SH3RF3: variants seen among roughly 807,000 people sequenced by gnomAD.
The protein encoded by SH3RF3 is E3 ubiquitin-protein ligase SH3RF3.
Under a neutral mutation model 66.3 loss-of-function variants are expected in SH3RF3, and 29 were observed. That is an observed-to-expected ratio of 0.44 (90% CI 0.33 to 0.60). SH3RF3 has a LOEUF of 0.60. SH3RF3 is among the 20% of genes least tolerant of loss of function. SH3RF3 has a pLI of 0.04. For synonymous variants in SH3RF3, 583 were observed against 532.0 expected (o/e 1.10, Z -1.32); for missense variants, 1,194 against 1,190.9 (o/e 1.00, Z -0.04).
intron 1 of SH3RF3, among the ~76,000 whole-genome samples, chr2:109,241,028 A>G (rs1458314921): frequency 6.6e-6 from 1 of 152,214 alleles, no homozygotes; most frequent in Non-Finnish European, 1.5e-5. Flanking sequence ...AGAACTCTAT[A>G]GAGCATCAGA....
At chr2:109,369,139 T>C (rs970986719) in intron 2 of SH3RF3, among the ~76,000 whole-genome samples, 1 of 150,920 alleles carries the variant, frequency 6.6e-6, no homozygotes, top group Non-Finnish European at 1.5e-5. Flanking sequence ...GGTCAGGGGA[T>C]CGAGACCATC....
intron 8 of SH3RF3, among the ~76,000 whole-genome samples, chr2:109,474,970 TTTGTTTG>T (rs1559103279): frequency 1.3e-4 from 19 of 145,334 alleles, no homozygotes; most frequent in Non-Finnish European, 2.9e-4. Flanking sequence ...TTGGGTTTTT[TTTGTTTG>T]TTTGTTTGTT....
At chr2:109,283,324 C>T (rs1195021274) in intron 1 of SH3RF3, among the ~76,000 whole-genome samples, 2 of 152,210 alleles carry the variant, frequency 1.3e-5, no homozygotes, top group African/African-American at 4.8e-5. Flanking sequence ...GACACCTGCT[C>T]CCCTGCTCCT....
chr2:109,501,493 G>C lies in SH3RF3; in HGVS notation c.2481-10G>C. ...CTGTGTGGGGCTCACCCACTGTGCT[G>C]TTTCCCCAGGTACCGCGTGGTGGTC... On this transcript the variant is annotated splice_polypyrimidine_tract_variant and intron_variant, in intron 9 of 9. Coordinates refer to ENST00000309415, the MANE Select transcript of SH3RF3 (RefSeq NM_001099289.3). 1.3e-6 allele frequency: 1 copy of C among 775,194 alleles called. No individual in the cohort carries two copies. Among genetic ancestry groups the C allele is most frequent in the Non-Finnish European group, 2.4e-6 (1 of 415,616 alleles). 48.0% of individuals were successfully genotyped at this position (775,194 alleles called of 1,614,324 possible).
intron 1 of SH3RF3, among the ~76,000 whole-genome samples, chr2:109,210,189 G>A (rs138796621): frequency 9.8e-5 from 15 of 152,292 alleles, no homozygotes; most frequent in Middle Eastern, 3.4e-3. Context: ...ACCACATTTT[G>A]TGTATTCATT....
chr2:109,445,170 A>G (rs113529805), intron 7 of SH3RF3, among the ~76,000 whole-genome samples: 4 of 152,216 alleles, frequency 2.6e-5, no homozygotes, highest in Non-Finnish European at 5.9e-5. Context: ...TGTGAAAGAG[A>G]TGTATAAACA....
At chr2:109,431,148 C>G (rs1040863914) in intron 5 of SH3RF3, among the ~76,000 whole-genome samples, 1 of 152,140 alleles carries the variant, frequency 6.6e-6, no homozygotes, top group Non-Finnish European at 1.5e-5. Flanking sequence ...TGGGGTTCCT[C>G]CAGCATCAGG....
intron 2 of SH3RF3, 22 bp downstream of exon 2, chr2:109,347,971 G>T (rs773982530): frequency 2.0e-5 from 31 of 1,574,270 alleles, no homozygotes; most frequent in Non-Finnish European, 2.5e-5. Context: ...CCCGGGGTGG[G>T]CCCCGCCAGC....
At chr2:109,309,262 G>T (rs1178078767) in intron 1 of SH3RF3, among the ~76,000 whole-genome samples, 1 of 147,208 alleles carries the variant, frequency 6.8e-6, no homozygotes, top group Non-Finnish European at 1.5e-5. Flanking sequence ...TGTGATTTTT[G>T]TACATTGATT....
intron 1 of SH3RF3, among the ~76,000 whole-genome samples, chr2:109,214,412 G>A (rs962052720): frequency 6.6e-6 from 1 of 150,494 alleles, no homozygotes; most frequent in Non-Finnish European, 1.5e-5. Flanking sequence ...TAACAAACCT[G>A]CACACTGTGT....
intron 3 of SH3RF3, among the ~76,000 whole-genome samples, chr2:109,374,257 G>A (rs1157854711): frequency 6.6e-6 from 1 of 152,180 alleles, no homozygotes; most frequent in Non-Finnish European, 1.5e-5. Flanking sequence ...TGCCCCTCTT[G>A]CCCCTTTCTG....
intron 2 of SH3RF3, among the ~76,000 whole-genome samples, chr2:109,354,894 T>C (rs1559040058): frequency 6.6e-6 from 1 of 152,246 alleles, no homozygotes; most frequent in Non-Finnish European, 1.5e-5. Flanking sequence ...GTCACCTGAA[T>C]CCTTTGTGAA....
chr2:109,337,389 G>T (rs1207769956), intron 1 of SH3RF3, among the ~76,000 whole-genome samples: 1 of 152,214 alleles, frequency 6.6e-6, no homozygotes, highest in Non-Finnish European at 1.5e-5. Context: ...TGCATCCAAG[G>T]CTAGGTCCTC....
chr2:109,204,618 T>TC (rs1678764654), intron 1 of SH3RF3, among the ~76,000 whole-genome samples: 1 of 152,220 alleles, frequency 6.6e-6, no homozygotes, highest in African/African-American at 2.4e-5. Context: ...CGCCACCTAC[T>TC]CCACCACCAG....
At chr2:109,223,044 G>A (rs1396168001) in intron 1 of SH3RF3, among the ~76,000 whole-genome samples, 2 of 152,262 alleles carry the variant, frequency 1.3e-5, no homozygotes, top group Admixed American at 6.5e-5. Flanking sequence ...ATCAGATGGT[G>A]TGATCCCACC....
chr2:109,399,246 C>T (rs982959633), intron 4 of SH3RF3, among the ~76,000 whole-genome samples: 2 of 152,192 alleles, frequency 1.3e-5, no homozygotes, highest in East Asian at 1.9e-4. Context: ...CCGTGTCAGT[C>T]GGCTTCCAGA....
At chr2:109,341,882 G>A (rs1221838296) in intron 1 of SH3RF3, among the ~76,000 whole-genome samples, 2 of 152,212 alleles carry the variant, frequency 1.3e-5, no homozygotes, top group African/African-American at 4.8e-5. Context: ...GAAGGCTTCT[G>A]CTGGAAGCTT....
At chr2:109,156,643 A>G (rs2104891716) in intron 1 of SH3RF3, among the ~76,000 whole-genome samples, 1 of 152,170 alleles carries the variant, frequency 6.6e-6, no homozygotes, top group Non-Finnish European at 1.5e-5. Flanking sequence ...ATGGGGTTTC[A>G]CCATGTTGGC....
At chr2:109,372,792 C>T (rs932059626) in intron 3 of SH3RF3, among the ~76,000 whole-genome samples, 8 of 152,168 alleles carry the variant, frequency 5.3e-5, no homozygotes, top group African/African-American at 1.4e-4. Context: ...ATGTGTCCCC[C>T]CTGCCTGACA....
Sources: gnomAD v4.1 joint callset for allele counts (sites outside exome capture counted in the v4.1 genomes callset) on GRCh38, gnomAD v4.1.1 for gene constraint, MANE v1.5 for transcripts, NCBI Gene and HGNC (gene_info 2026-07-23, HGNC 2026-07-21) for gene names.